The following PLCB1 variants were observed in gnomAD, a reference collection of about 807,000 sequenced individuals.
PLCB1 encodes phospholipase C beta 1.
PLCB1 carries 46 observed loss-of-function variants against 161.8 expected under a neutral mutation model. The ratio of observed to expected loss-of-function variants is 0.28; its 90% CI spans 0.22 to 0.36. PLCB1 has a LOEUF of 0.36. PLCB1 is among the 10% of genes least tolerant of loss of function. The pLI, the probability that PLCB1 is intolerant of heterozygous loss-of-function variation, is 1.00. For missense variants in PLCB1, 1,016 were observed against 1,472.5 expected (o/e 0.69, Z 5.07); for synonymous variants, 517 against 503.7 (o/e 1.03, Z -0.35).
chr20:8,760,592 G>T, intron 25 of PLCB1, 132 bp downstream of exon 25: 2 of 601,630 alleles, frequency 3.3e-6, no homozygotes, highest in Non-Finnish European at 5.9e-6. Flanking sequence ...AAAAAATCTA[G>T]AGACATACAC....
At chr20:8,664,292 G>C (rs1989756219) in intron 9 of PLCB1, among the ~76,000 whole-genome samples, 1 of 152,092 alleles carries the variant, frequency 6.6e-6, no homozygotes, top group Non-Finnish European at 1.5e-5. Context: ...CCCTTTTAGT[G>C]ATCACTACTC....
intron 3 of PLCB1, among the ~76,000 whole-genome samples, chr20:8,534,808 A>G (rs543420718): frequency 9.2e-5 from 14 of 152,264 alleles, no homozygotes; most frequent in African/African-American, 3.4e-4. Flanking sequence ...GGAGCAGTTA[A>G]TTATCCATCT....
chr20:8,202,546 A>G (rs1367887821), intron 2 of PLCB1, among the ~76,000 whole-genome samples: 1 of 152,246 alleles, frequency 6.6e-6, no homozygotes, highest in Non-Finnish European at 1.5e-5. Flanking sequence ...TTTATGACAG[A>G]TAGGCAGACA....
chr20:8,430,968 A>G (rs145885458), intron 3 of PLCB1, among the ~76,000 whole-genome samples: 1 of 152,140 alleles, frequency 6.6e-6, no homozygotes, highest in African/African-American at 2.4e-5. Flanking sequence ...CAAAAAAAAG[A>G]AGAAAAAGGA....
At chr20:8,162,972 C>T (rs2051640484) in intron 2 of PLCB1, among the ~76,000 whole-genome samples, 1 of 152,160 alleles carries the variant, frequency 6.6e-6, no homozygotes, top group Non-Finnish European at 1.5e-5. Flanking sequence ...TTAACCCTGA[C>T]ATAGTTCATA....
At position 8,402,662 on chromosome 20, in the gene PLCB1, G is replaced by A. The variant is rs1978606416; in HGVS notation, c.246+31212G>A. Reference sequence around the variant, plus strand: ...AGCCTGGCTAACATGGTGAAATCCCGTCCCTACTAAAAATACAAAAAAAAA... The same window carrying A: ...AGCCTGGCTAACATGGTGAAATCCCATCCCTACTAAAAATACAAAAAAAAA... On this transcript the variant is annotated intron_variant, in intron 3 of 31. Transcript: ENST00000338037. Among the ~76,000 whole-genome samples the A allele has an allele frequency of 4.1e-5, 6 of 146,704 alleles. No individual in the cohort carries two copies. In the South Asian group the frequency reaches 1.3e-3, roughly 32 times the overall value.
chr20:8,560,243 C>T (rs753737785), intron 3 of PLCB1, among the ~76,000 whole-genome samples: 5 of 151,916 alleles, frequency 3.3e-5, no homozygotes, highest in East Asian at 1.9e-4. Context: ...GAGAACTACC[C>T]GTCTAAGTCA....
chr20:8,584,909 T>C (rs1418331330), intron 3 of PLCB1, among the ~76,000 whole-genome samples: 1 of 152,186 alleles, frequency 6.6e-6, no homozygotes, highest in African/African-American at 2.4e-5. Context: ...CAGGCTGGTC[T>C]TGATCTCCTG....
At chr20:8,272,651 T>C (rs989072459) in intron 2 of PLCB1, among the ~76,000 whole-genome samples, 5 of 152,284 alleles carry the variant, frequency 3.3e-5, no homozygotes, top group African/African-American at 1.2e-4. Context: ...CCCAGGTTGT[T>C]TTCTCCTATT....
At position 8,718,178 on chromosome 20, in the gene PLCB1, C is replaced by G. The variant is rs371862941; in HGVS notation, c.1513+330C>G. Among the ~76,000 whole-genome samples, 4 of 152,202 alleles carry G rather than the reference C, an allele frequency of 2.6e-5. No homozygotes were observed. The East Asian group carries it at 7.7e-4, about 29-fold the overall frequency. On this transcript the variant is annotated intron_variant, in intron 14 of 31. Transcript: ENST00000338037. ...GATGTTGCAGTAAGACAAGATCCAG[C>G]CACTGCACTCCAGCCTGGTGACAGA...
intron 3 of PLCB1, among the ~76,000 whole-genome samples, chr20:8,584,429 T>C (rs113049435): frequency 2.6e-5 from 4 of 151,908 alleles, no homozygotes; most frequent in African/African-American, 9.7e-5. Context: ...TGAGTAAATT[T>C]TAAGTGTTAT....
At position 8,428,757 on chromosome 20, in the gene PLCB1, G is replaced by A. The variant is rs118084587; in HGVS notation, c.246+57307G>A. ...ACATCTCTCGGGGAAGCTGGTGACT[G>A]TGGACCCAGGTAGTCCAGGTCATCT... On this transcript the variant is annotated intron_variant, in intron 3 of 31. Transcript: ENST00000338037. 4.9e-3 allele frequency among the ~76,000 whole-genome samples: 753 copies of A among 152,348 alleles called. 7 individuals carry two copies. Among genetic ancestry groups the A allele is most frequent in the Non-Finnish European group, 5.7e-3 (386 of 68,038 alleles).
At chr20:8,229,864 A>AAAAT (rs1555791655) in intron 2 of PLCB1, among the ~76,000 whole-genome samples, 85 of 146,982 alleles carry the variant, frequency 5.8e-4, no homozygotes, top group African/African-American at 2.0e-3. Context: ...CTCATAAAAT[A>AAAAT]AAATAAAATA....
intron 3 of PLCB1, among the ~76,000 whole-genome samples, chr20:8,509,238 CA>C (rs1044141864): frequency 1.6e-4 from 24 of 152,042 alleles, no homozygotes; most frequent in African/African-American, 4.8e-5. Context: ...AGTGACCCCC[CA>C]CAAGTTCCTT....
intron 3 of PLCB1, among the ~76,000 whole-genome samples, chr20:8,602,002 T>G (rs1987600892): frequency 1.3e-5 from 2 of 152,216 alleles, no homozygotes; most frequent in Admixed American, 1.3e-4. Context: ...CTCTTAGGTC[T>G]TGATGGCTTC....
At chr20:8,767,593 T>A (rs4816078) in intron 26 of PLCB1, among the ~76,000 whole-genome samples, 144,876 of 152,154 alleles carry the variant, frequency 0.95, 69,097 homozygotes, top group East Asian at 1. Flanking sequence ...AAATGTGAGG[T>A]TGCCGTGTGG....
rs540979527 is a variant in PLCB1 at position 8,241,537 on chromosome 20, C to A, written c.177+91166C>A. ...AAGTTCTGTAGGAGTAAAAAAAATA[C>A]AAGAAGTGCAATGAAATATTAATTA... On this transcript the variant is annotated intron_variant, in intron 2 of 31. Coordinates refer to ENST00000338037, the MANE Select transcript of PLCB1 (RefSeq NM_015192.4). Among the ~76,000 whole-genome samples the A allele has an allele frequency of 3.3e-5, 5 of 152,008 alleles. No individual in the cohort carries two copies. The East Asian group carries it at 9.8e-4, about 30-fold the overall frequency.
At chr20:8,506,629 G>C (rs1983648306) in intron 3 of PLCB1, among the ~76,000 whole-genome samples, 1 of 152,126 alleles carries the variant, frequency 6.6e-6, no homozygotes, top group Non-Finnish European at 1.5e-5. Context: ...ATTATTTATA[G>C]GGTGAATTGC....
At chr20:8,267,397 A>G (rs1352984828) in intron 2 of PLCB1, among the ~76,000 whole-genome samples, 1 of 152,054 alleles carries the variant, frequency 6.6e-6, no homozygotes, top group Non-Finnish European at 1.5e-5. Flanking sequence ...TTTCCTCAAG[A>G]TGGGACATCT....
Sources: gnomAD v4.1 joint callset for allele counts (sites outside exome capture counted in the v4.1 genomes callset) on GRCh38, gnomAD v4.1.1 for gene constraint, MANE v1.5 for transcripts, NCBI Gene and HGNC (gene_info 2026-07-23, HGNC 2026-07-21) for gene names.